TAF1C: variants seen among roughly 807,000 people sequenced by gnomAD.
TAF1C encodes the protein TATA box-binding protein-associated factor RNA polymerase I subunit C.
A neutral mutation model predicts 70.5 loss-of-function variants in TAF1C; 79 were observed. The observed-to-expected ratio is 1.12, with a 90% CI of 0.93 to 1.35. TAF1C has a LOEUF of 1.35. Ranked by LOEUF, TAF1C falls within the 40% of genes most tolerant of loss-of-function variation. The pLI is 0.00. For synonymous variants in TAF1C, 614 were observed against 491.1 expected (o/e 1.25, Z -3.31); for missense variants, 1,412 against 1,127.8 (o/e 1.25, Z -3.61).
intron 2 of TAF1C, 59 bp downstream of exon 2, chr16:84,184,792 G>A (rs1373670100): frequency 1.0e-5 from 16 of 1,531,122 alleles, no homozygotes; most frequent in Admixed American, 1.0e-4. Flanking sequence ...AATGTGAGAC[G>A]GGGGACCCAG....
At position 84,179,694 on chromosome 16, in the gene TAF1C, A is replaced by T. The variant is rs780296849; in HGVS notation, c.1779T>A (p.Pro593=). 2 of 1,612,532 alleles carry T rather than the reference A, an allele frequency of 1.2e-6. No individual in the cohort carries two copies. The highest frequency in any genetic ancestry group is 1.1e-5 in the South Asian group (1 of 91,062). The change falls in exon 15 of 15, where the codon CCT becomes CCA. Residue 593 remains proline, a synonymous_variant. Coordinates refer to ENST00000566732, the MANE Select transcript of TAF1C (RefSeq NM_001243156.2). ...RDAGPPGDTQ[P]DCHAPTASWT... ...AGGAAGCTGTGGGGGCATGGCAGTC[A>T]GGTTGGGTGTCGCCAGGAGGCCCAG...
rs963276788 is a variant in TAF1C at position 84,183,679 on chromosome 16, G to A, written c.220+18C>T. 6.2e-6 allele frequency: 10 copies of A among 1,606,552 alleles called. No individual in the cohort carries two copies. The African/African-American group carries it at 9.4e-5, about 15-fold the overall frequency. ...GGTGGAGCAGTGTGGAGTGAGCCCG[G>A]GGGAATGAGACCCTTACCGATGAGG... is the stretch of plus-strand genomic sequence containing the variant. On this transcript the variant is annotated intron_variant, in intron 3 of 14. Transcript: ENST00000566732.
chr16:84,186,925 T>C lies in TAF1C; in HGVS notation c.-97A>G, dbSNP rs1040619647. 1.3e-5 allele frequency: 2 copies of C among 152,140 alleles called. No individual in the cohort carries two copies. Among genetic ancestry groups the C allele is most frequent in the African/African-American group, 2.4e-5 (1 of 41,432 alleles). 9.4% of individuals were successfully genotyped at this position (152,140 alleles called of 1,614,324 possible). ...CGTGACCCCGGCCTCGTCGTGGTCG[T>C]CTGGAAAATGGGCCTCGGCGTGATG... is the stretch of plus-strand genomic sequence containing the variant. On this transcript the variant is annotated 5_prime_UTR_variant, in exon 1 of 15. Coordinates refer to ENST00000566732, the MANE Select transcript of TAF1C (RefSeq NM_001243156.2).
At chr16:84,185,260 G>C (rs561299394) in intron 1 of TAF1C, 200 bp from the exon 2 acceptor site, 39 of 353,530 alleles carry the variant, frequency 1.1e-4, no homozygotes, top group Non-Finnish European at 1.8e-4. Flanking sequence ...TGAGAAGGTG[G>C]CGTTTGAGCA....
At position 84,178,340 on chromosome 16, in the gene TAF1C, G is replaced by A. The variant is rs1281973535; in HGVS notation, c.*601C>T. 3 of 456,732 alleles carry A rather than the reference G, an allele frequency of 6.6e-6. No individual in the cohort carries two copies. Among genetic ancestry groups the A allele is most frequent in the Admixed American group, 2.3e-5 (1 of 42,560 alleles). 28.3% of individuals were successfully genotyped at this position (456,732 alleles called of 1,614,324 possible). On this transcript the variant is annotated 3_prime_UTR_variant, in exon 15 of 15. Transcript: ENST00000566732. ...AGCTCAGTGTCAGGTAGTAGCTGTG[G>A]CGGGACGCTGTCCAGCCTAAAAAAC...
rs1356810895 is a variant in TAF1C, at chr16:84,180,131, C to G, written c.1483+39G>C. 6 of 1,565,010 alleles carry G rather than the reference C, an allele frequency of 3.8e-6. No homozygotes were observed. In the East Asian group the frequency reaches 6.7e-5, roughly 18 times the overall value. ...GGCCCTGTCCAGGCCCCGACCGCCC[C>G]ATCTCCCACACGCCGCCCACCCTGG... On this transcript the variant is annotated intron_variant, in intron 13 of 14. Transcript: ENST00000566732.
Position 84,180,238 on chromosome 16 carries a change from C to A in TAF1C, c.1415G>T (p.Arg472Leu). 6 of 1,538,668 alleles carry A rather than the reference C, an allele frequency of 3.9e-6. No individual in the cohort carries two copies. The highest frequency in any genetic ancestry group is 5.2e-6 in the Non-Finnish European group (6 of 1,146,902). Residue 472 changes from arginine (R) to leucine (L), a missense_variant, in exon 13 of 15, where the codon CGG becomes CTG. Coordinates refer to ENST00000566732, the MANE Select transcript of TAF1C (RefSeq NM_001243156.2). ...GAGCAGGGGCTGCACGCAGCTGGGC[C>A]GGGGCGGAGGCAGCAGTCGGGCCAG... ...LLLARLLPPP[R>L]PSCVQPLLLG...
chr16:84,179,585 G>A lies in TAF1C; in HGVS notation c.1888C>T (p.Pro630Ser). 1 of 1,612,740 alleles carries A rather than the reference G, an allele frequency of 6.2e-7. No homozygotes were observed. Among genetic ancestry groups the A allele is most frequent in the Non-Finnish European group, 8.5e-7 (1 of 1,179,930 alleles). Residue 630 changes from proline (P) to serine (S), a missense_variant, in exon 15 of 15, where the codon CCC (proline) becomes TCC (serine). By Grantham distance (74) the Pro-to-Ser change is moderately conservative. Coordinates refer to ENST00000566732, the MANE Select transcript of TAF1C (RefSeq NM_001243156.2). ...AGCATCTGGCGGTGGGTGAAGGTGG[G>A]TGCTGTCCACACAGGAGGAGCCAGG... ...VPLAPPVWTA[P>S]TFTHRQMLGS...
chr16:84,179,521 T>C lies in TAF1C; in HGVS notation c.1952A>G (p.Gln651Arg), dbSNP rs1395499248. 5 of 1,605,424 alleles carry C rather than the reference T, an allele frequency of 3.1e-6. No homozygotes were observed. In the Admixed American group the frequency reaches 5.0e-5, roughly 16 times the overall value. ...TELRREEEEG[Q>R]RLGVLRKAMA... The stretch of plus-strand genomic sequence containing the variant: ...GGCCTTGCGGAGCACACCCAGCCGC[T>C]GCCCTTCCTCTTCCTCCCTCCGCAG... Residue 651 changes from glutamine (Q) to arginine (R), a missense_variant, in exon 15 of 15, where the codon CAG becomes CGG. Transcript: ENST00000566732.
rs1331668296 is a variant in TAF1C, at chr16:84,182,009, C to T, written c.771G>A (p.Gly257=). The T allele has an allele frequency of 6.2e-7, 1 of 1,613,502 alleles. No homozygotes were observed. Among genetic ancestry groups the T allele is most frequent in the Non-Finnish European group, 8.5e-7 (1 of 1,180,024 alleles). Residue 257 remains glycine (G), a synonymous_variant, in exon 8 of 15, where the codon GGG becomes GGA. Transcript: ENST00000566732. The surrounding 1 kb of genome is among the most constrained non-coding windows in gnomAD (Gnocchi z 5.0). The part of the protein sequence containing the change: ...LTPGDNPQFL[G]KPGRIQLQGP... ...CCTGGAGCTGGATGCGTCCAGGTTTCCCAAGGAATTGGGGATTGTCACCTG... is the reference window on the plus strand; with the variant it reads ...CCTGGAGCTGGATGCGTCCAGGTTTTCCAAGGAATTGGGGATTGTCACCTG...
At chr16:84,184,699 T>G (rs1400314656) in intron 2 of TAF1C, 152 bp downstream of exon 2, 3 of 980,784 alleles carry the variant, frequency 3.1e-6, no homozygotes, top group Non-Finnish European at 4.4e-6. Flanking sequence ...GGGTAGCCCA[T>G]GTACCCCAGA....
Position 84,180,374 on chromosome 16 carries a change from C to A in TAF1C, c.1309-30G>T, listed in dbSNP as rs1409876536. 5.9e-6 allele frequency: 9 copies of A among 1,530,448 alleles called. No homozygotes were observed. The South Asian group carries it at 6.0e-5, about 10-fold the overall frequency. The allele number at this position is 1,530,448 out of a possible 1,614,324, so 94.8% of individuals were successfully genotyped here. A position where few individuals can be genotyped will look rare whatever the true frequency, so the allele number is the denominator to read the frequency against. ...GGCCCGAGAAGGAAGGGGGATGTGG[C>A]CGAACTTGGGAGCTGAGCTGTGTAG... On this transcript the variant is annotated intron_variant, in intron 12 of 14. Transcript: ENST00000566732.
At position 84,178,837 on chromosome 16, in the gene TAF1C, G is replaced by A. The variant is rs887933352; in HGVS notation, c.*104C>T. 9.2e-6 allele frequency: 12 copies of A among 1,307,982 alleles called. No homozygotes were observed. Among genetic ancestry groups the A allele is most frequent in the Non-Finnish European group, 9.3e-6 (9 of 965,390 alleles). 81.0% of individuals were successfully genotyped at this position (1,307,982 alleles called of 1,614,324 possible). ...CTCATCATCACAGTGGCCTCCAGAAGGTGGCGAGCTCTGCTTCTCAAGTTT... is the reference window on the plus strand; with the variant it reads ...CTCATCATCACAGTGGCCTCCAGAAAGTGGCGAGCTCTGCTTCTCAAGTTT... On this transcript the variant is annotated 3_prime_UTR_variant, in exon 15 of 15. Coordinates refer to ENST00000566732, the MANE Select transcript of TAF1C (RefSeq NM_001243156.2).
chr16:84,183,880 A>C (rs1474614851), intron 2 of TAF1C, 102 bp from the exon 3 acceptor site: 2 of 845,516 alleles, frequency 2.4e-6, no homozygotes, highest in Non-Finnish European at 3.6e-6. Context: ...CAATCCTCAC[A>C]ACAATCCTGC....
rs1567576795 is a variant in TAF1C, at chr16:84,178,353, C to G, written c.*588G>C. The G allele has an allele frequency of 2.2e-6, 1 of 456,938 alleles. No individual in the cohort carries two copies. The highest frequency in any genetic ancestry group is 4.4e-6 in the Non-Finnish European group (1 of 227,210). The allele number at this position is 456,938 out of a possible 1,614,324, so 28.3% of individuals were successfully genotyped here. ...GTAGTAGCTGTGGCGGGACGCTGTC[C>G]AGCCTAAAAAACGTGACCATTCCAA... On this transcript the variant is annotated 3_prime_UTR_variant, in exon 15 of 15. Transcript: ENST00000566732.
rs2089279147 is a variant in TAF1C at position 84,182,830 on chromosome 16, G to A, written c.482+246C>T. The stretch of plus-strand genomic sequence containing the variant: ...AGGCAAGTGGACGAGACAGGAAAGA[G>A]AGACACAGCTCTATGAACATTATTT... On this transcript the variant is annotated intron_variant, in intron 6 of 14. Coordinates refer to ENST00000566732, the MANE Select transcript of TAF1C (RefSeq NM_001243156.2). This position sits in a 1 kb window ranked among gnomAD's most constrained non-coding sequence, Gnocchi z 5.0. Among the ~76,000 whole-genome samples the A allele has an allele frequency of 6.6e-6, 1 of 152,222 alleles. No individual in the cohort carries two copies. The highest frequency in any genetic ancestry group is 2.1e-4 in the South Asian group (1 of 4,832).
rs949651682 is a variant in TAF1C at position 84,180,653 on chromosome 16, A to G, written c.1309-309T>C. On this transcript the variant is annotated intron_variant, in intron 12 of 14. Coordinates refer to ENST00000566732, the MANE Select transcript of TAF1C (RefSeq NM_001243156.2). ...TCTCGCAGCCACCCCCACTCTCCTGACCCGGGAGCCTGTGCTCGAGGCACG... is the reference window on the plus strand; with the variant it reads ...TCTCGCAGCCACCCCCACTCTCCTGGCCCGGGAGCCTGTGCTCGAGGCACG... 5 of 677,114 alleles carry G rather than the reference A, an allele frequency of 7.4e-6. No homozygotes were observed. The African/African-American group carries it at 9.4e-5, about 13-fold the overall frequency. The allele number at this position is 677,114 out of a possible 1,614,324, so 41.9% of individuals were successfully genotyped here.
At position 84,182,113 on chromosome 16, in the gene TAF1C, A is replaced by G. The variant is rs544470736; in HGVS notation, c.722-55T>C. 3.1e-6 allele frequency: 5 copies of G among 1,594,588 alleles called. No homozygotes were observed. In the Admixed American group the frequency reaches 5.1e-5, roughly 16 times the overall value. The stretch of plus-strand genomic sequence containing the variant: ...AGCTATGATCACTGCAAGCCCCCCA[A>G]ATTCCTGCCCTTCTCTGGACCATGC... On this transcript the variant is annotated intron_variant, in intron 7 of 14. Transcript: ENST00000566732. This position sits in a 1 kb window ranked among gnomAD's most constrained non-coding sequence, Gnocchi z 5.0.
Position 84,183,687 on chromosome 16 carries a change from A to G in TAF1C, c.220+10T>C. 6.2e-7 allele frequency: 1 copy of G among 1,609,002 alleles called. No individual in the cohort carries two copies. Among genetic ancestry groups the G allele is most frequent in the Non-Finnish European group, 8.5e-7 (1 of 1,176,942 alleles). ...AGTGTGGAGTGAGCCCGGGGGAATG[A>G]GACCCTTACCGATGAGGGGAGGCAG... On this transcript the variant is annotated intron_variant, in intron 3 of 14. Coordinates refer to ENST00000566732, the MANE Select transcript of TAF1C (RefSeq NM_001243156.2).
Sources: allele counts gnomAD v4.1 joint callset (sites outside exome capture counted in the v4.1 genomes callset), GRCh38; gene constraint gnomAD v4.1.1; non-coding constraint Gnocchi (gnomAD v3.1); transcripts MANE v1.5; gene names NCBI Gene and HGNC (gene_info 2026-07-23, HGNC 2026-07-21).